Variants in MRE11 observed in about 807,000 individuals in gnomAD.
MRE11 encodes the protein MRE11 double strand break repair nuclease, also known as double-strand break repair protein MRE11.
MRE11 carries 62 observed loss-of-function variants against 91.7 expected under a neutral mutation model. That is an observed-to-expected ratio of 0.68 (90% CI 0.55 to 0.84). The LOEUF (loss-of-function observed/expected upper bound fraction) is 0.84, where lower values mean the gene tolerates loss of function less well. Among genes scored for constraint, MRE11 ranks in the 40% least tolerant of loss-of-function variants. The probability of loss-of-function intolerance (pLI) is 0.00; values close to 1 mark genes in which losing one functional copy is unlikely to be tolerated. For synonymous variants in MRE11, 273 were observed against 271.4 expected (o/e 1.01, Z -0.06); for missense variants, 796 against 852.9 (o/e 0.93, Z 0.83).
In MRE11 at chr11:94,457,415, T is replaced by C. The variant is rs114576293; in HGVS notation, c.1501-1077A>G. Among the ~76,000 whole-genome samples, 496 of 152,306 alleles carry C rather than the reference T, an allele frequency of 3.3e-3. 2 individuals carry two copies. Among genetic ancestry groups the C allele is most frequent in the African/African-American group, 0.011 (472 of 41,568 alleles). ...GCTCTAGAAGAGGAACAGAGAGCAG[T>C]AGCTAAAGGAAAATGGGATCGAGAG... On this transcript the variant is annotated intron_variant, in intron 13 of 19. Transcript: ENST00000323929.
intron 6 of MRE11, among the ~76,000 whole-genome samples, chr11:94,476,911 G>A (rs187356561): frequency 1.2e-4 from 19 of 152,122 alleles, no homozygotes; most frequent in African/African-American, 4.6e-4. Context: ...GTAGAGATGG[G>A]GTTTTGCCAC....
At chr11:94,449,664 T>G (rs1591658241) in intron 14 of MRE11, among the ~76,000 whole-genome samples, 1 of 152,228 alleles carries the variant, frequency 6.6e-6, no homozygotes, top group African/African-American at 2.4e-5. Context: ...GATTTCATTA[T>G]TGTGCAAACA....
rs762490367 is a variant in MRE11 at position 94,417,395 on chromosome 11, A to G, written c.*2730T>C. On this transcript the variant is annotated 3_prime_UTR_variant, in exon 20 of 20. Transcript: ENST00000323929. ...CAAATTTATCAAGCTGGTAAATTCC[A>G]TAACAGGCTGAACCAAATGAAATAC... The G allele has an allele frequency of 2.2e-4, 50 of 231,970 alleles. No individual in the cohort carries two copies. The highest frequency in any genetic ancestry group is 4.5e-4 in the Admixed American group (8 of 17,748). The allele number at this position is 231,970 out of a possible 1,614,324, so 14.4% of individuals were successfully genotyped here. A position where few individuals can be genotyped will look rare whatever the true frequency, so the allele number is the denominator to read the frequency against.
the MRE11 span, among the ~76,000 whole-genome samples, chr11:94,507,591 G>A: frequency 1.3e-5 from 2 of 152,180 alleles, no homozygotes; most frequent in Non-Finnish European, 2.9e-5. Flanking sequence ...AGCAGCAGAA[G>A]TGAACGTTCC....
At chr11:94,501,212 A>G in the MRE11 span, among the ~76,000 whole-genome samples, 1 of 152,188 alleles carries the variant, frequency 6.6e-6, no homozygotes, top group African/African-American at 2.4e-5. Flanking sequence ...ATTCCTGGAA[A>G]TTTCCCTTGG....
chr11:94,490,938 T>A lies in MRE11; in HGVS notation c.48A>T (p.Leu16Phe), dbSNP rs1591726832. Residue 16 changes from leucine (L) to phenylalanine (F), a missense_variant, in exon 3 of 20, where the codon TTA (leucine) becomes TTT (phenylalanine). Transcript: ENST00000323929. ...ALDDENTFKI[L>F]VATDIHLGFM... The stretch of plus-strand genomic sequence containing the variant: ...ATCCAAGATGAATATCTGTTGCAAC[T>A]AATATTTTAAATGTGTTTTCATCAT... 5 of 1,490,206 alleles carry A rather than the reference T, an allele frequency of 3.4e-6. No individual in the cohort carries two copies. Among genetic ancestry groups the A allele is most frequent in the African/African-American group, 1.4e-5 (1 of 72,446 alleles). The allele number at this position is 1,490,206 out of a possible 1,614,324, so 92.3% of individuals were successfully genotyped here.
the MRE11 span, chr11:94,512,375 T>G: frequency 1.5e-6 from 1 of 674,458 alleles, no homozygotes; most frequent in Non-Finnish European, 2.1e-6. Context: ...AGCACCTTCT[T>G]TGGTGCGCGG....
chr11:94,447,335 T>C lies in MRE11; in HGVS notation c.1667A>G (p.Asn556Ser), dbSNP rs144896235. 1.5e-4 allele frequency: 235 copies of C among 1,614,134 alleles called. No homozygotes were observed. The highest frequency in any genetic ancestry group is 3.3e-4 in the Middle Eastern group (2 of 6,062). Residue 556 changes from asparagine to serine, a missense_variant, in exon 15 of 20, where the codon AAT (asparagine) becomes AGT (serine). Transcript: ENST00000323929. Reference protein sequence around the residue: ...MSIDLAEQMANDSDDSISAAT... With the variant: ...MSIDLAEQMASDSDDSISAAT... Reference sequence around the variant, plus strand: ...TGCTGAGATGCTATCATCAGAGTCATTAGCCATCTGTTCTGCTAAATCTAT... The same window carrying C: ...TGCTGAGATGCTATCATCAGAGTCACTAGCCATCTGTTCTGCTAAATCTAT...
intron 19 of MRE11, among the ~76,000 whole-genome samples, chr11:94,421,175 G>T (rs942556932): frequency 1.3e-5 from 2 of 152,150 alleles, no homozygotes; most frequent in African/African-American, 2.4e-5. Context: ...ATAATTTTAT[G>T]AAGATAAAAC....
chr11:94,508,368 T>A, the MRE11 span, among the ~76,000 whole-genome samples: 1 of 152,230 alleles, frequency 6.6e-6, no homozygotes, highest in East Asian at 1.9e-4. Flanking sequence ...GAAGACATCA[T>A]GAAGGTTTTT....
rs1370004377 is a variant in MRE11, at chr11:94,478,756, T to C, written c.523A>G (p.Lys175Glu). The part of the protein sequence containing the change: ...SPVLLQKGST[K>E]IALYGLGSIP... ...TTACCTAAACCATATAGCGCAATCTTTGTGCTTCCTTTTTGAAGCAAAACC... is the reference window on the plus strand; with the variant it reads ...TTACCTAAACCATATAGCGCAATCTCTGTGCTTCCTTTTTGAAGCAAAACC... The change falls in exon 6 of 20, where the codon AAG (lysine) becomes GAG (glutamate). Residue 175 changes from lysine (K) to glutamate (E), a missense_variant. Lys to Glu is a moderately conservative substitution (Grantham distance 56, BLOSUM62 1). Transcript: ENST00000323929. 6 of 1,612,854 alleles carry C rather than the reference T, an allele frequency of 3.7e-6. No homozygotes were observed. Among genetic ancestry groups the C allele is most frequent in the Non-Finnish European group, 5.1e-6 (6 of 1,179,848 alleles).
At chr11:94,463,730 A>G (rs971542175) in intron 11 of MRE11, among the ~76,000 whole-genome samples, 6 of 146,572 alleles carry the variant, frequency 4.1e-5, no homozygotes, top group African/African-American at 1.5e-4. Flanking sequence ...GAATTGAACA[A>G]TGAGAACACT....
intron 14 of MRE11, among the ~76,000 whole-genome samples, chr11:94,448,020 A>C (rs1348769891): frequency 6.6e-6 from 1 of 152,154 alleles, no homozygotes; most frequent in Non-Finnish European, 1.5e-5. Context: ...ACTAGAAGGA[A>C]TACTGGCAAT....
At chr11:94,444,402 TTC>T (rs1194935147) in intron 16 of MRE11, among the ~76,000 whole-genome samples, 1 of 148,824 alleles carries the variant, frequency 6.7e-6, no homozygotes, top group Non-Finnish European at 1.5e-5. Context: ...TCTGTTTTCG[TTC>T]TGTTTTCTTT....
Position 94,420,048 on chromosome 11 carries a change from CTT to C in MRE11, c.*75_*76del. The C allele has an allele frequency of 8.2e-7, 1 of 1,224,222 alleles. No homozygotes were observed. Among genetic ancestry groups the C allele is most frequent in the Non-Finnish European group, 1.2e-6 (1 of 846,424 alleles). The allele number at this position is 1,224,222 out of a possible 1,614,324, so 75.8% of individuals were successfully genotyped here. ...ATGCTCAGGAAACAATACTTAAAAT[CTT>C]AAACTGTAAACTCTTAGCTTGTAAC... On this transcript the variant is annotated 3_prime_UTR_variant, in exon 20 of 20. Transcript: ENST00000323929.
At chr11:94,501,613 G>C in the MRE11 span, among the ~76,000 whole-genome samples, 1 of 151,862 alleles carries the variant, frequency 6.6e-6, no homozygotes, top group Non-Finnish European at 1.5e-5. Context: ...AGCTATGTTT[G>C]TCTAATGGCT....
intron 15 of MRE11, 77 bp downstream of exon 15, chr11:94,447,142 C>A: frequency 7.2e-7 from 1 of 1,386,860 alleles, no homozygotes; most frequent in Non-Finnish European, 1.0e-6. Flanking sequence ...TATAATTCAA[C>A]TCTGACAAGA....
At chr11:94,440,731 G>C (rs567646981) in intron 16 of MRE11, among the ~76,000 whole-genome samples, 367 of 152,290 alleles carry the variant, frequency 2.4e-3, no homozygotes, top group Non-Finnish European at 4.0e-3. Flanking sequence ...ATGTAACTGA[G>C]TACCCTCATT....
chr11:94,491,091 A>G (rs1947273394), intron 2 of MRE11, 126 bp from the exon 3 acceptor site: 2 of 672,092 alleles, frequency 3.0e-6, no homozygotes, highest in Admixed American at 2.9e-5. Context: ...TTTTAGCCTT[A>G]GAGTTCATCT....
Sources: allele counts gnomAD v4.1 joint callset (sites outside exome capture counted in the v4.1 genomes callset), GRCh38; gene constraint gnomAD v4.1.1; transcripts MANE v1.5; gene names NCBI Gene and HGNC (gene_info 2026-07-23, HGNC 2026-07-21).